PRKAR1A: variants seen among roughly 807,000 people sequenced by gnomAD.
PRKAR1A encodes the protein protein kinase cAMP-dependent type I regulatory subunit alpha, also known as cAMP-dependent protein kinase type I-alpha regulatory subunit.
PRKAR1A carries 3 observed loss-of-function variants against 52.0 expected under a neutral mutation model. The ratio of observed to expected loss-of-function variants is 0.06; its 90% CI spans 0.03 to 0.15. The LOEUF is 0.15. Ranked by LOEUF, PRKAR1A falls within the 10% of genes least tolerant of loss-of-function variation. The pLI is 1.00. For synonymous variants in PRKAR1A, 188 were observed against 168.4 expected (o/e 1.12, Z -0.90); for missense variants, 240 against 477.4 (o/e 0.50, Z 4.63).
chr17:68,489,243 A>ATGGAAAG, the PRKAR1A span, among the ~76,000 whole-genome samples: 1 of 41,552 alleles, frequency 2.4e-5, no homozygotes, highest in Non-Finnish European at 4.0e-5. Flanking sequence ...AAGTATATAT[A>ATGGAAAG]TATATATATA....
the PRKAR1A span, chr17:68,430,261 A>G: frequency 8.3e-7 from 1 of 1,208,672 alleles, no homozygotes; most frequent in Non-Finnish European, 1.2e-6. Context: ...TCCCCGCAGC[A>G]GGGAGAGACT....
In PRKAR1A at chr17:68,532,242, A is replaced by C. The variant is rs929900027; in HGVS notation, c.*1793A>C. ...TGAAAATTACGTTCTTACAAGCTTA[A>C]AGCTTGATTTGATCTTTGTTTAAAT... On this transcript the variant is annotated 3_prime_UTR_variant, in exon 11 of 11. Transcript: ENST00000589228. The C allele has an allele frequency of 9.6e-7, 1 of 1,039,386 alleles. No homozygotes were observed. The allele number at this position is 1,039,386 out of a possible 1,614,324, so 64.4% of individuals were successfully genotyped here.
At chr17:68,506,645 G>A in the PRKAR1A span, among the ~76,000 whole-genome samples, 277 of 151,940 alleles carry the variant, frequency 1.8e-3, 2 homozygotes, top group African/African-American at 5.7e-3. Context: ...CACCACACCC[G>A]GCTAATTTTT....
At position 68,551,066 on chromosome 17, in the gene PRKAR1A, C is replaced by T. The variant is rs546622852; in HGVS notation, c.974-18C>T. On this transcript the variant is annotated intron_variant, in intron 11 of 11. Transcript: ENST00000585981. ...TTGGGTAACGTGGCCCCTCTTGGGG[C>T]GATTTTCTTTTCTGCAGGTCACCTC... The T allele has an allele frequency of 2.9e-5, 36 of 1,234,194 alleles. 1 individual carries two copies. Among genetic ancestry groups the T allele is most frequent in the East Asian group, 1.9e-4 (6 of 31,686 alleles). 76.5% of individuals were successfully genotyped at this position (1,234,194 alleles called of 1,614,324 possible). A position where few individuals can be genotyped will look rare whatever the true frequency, so the allele number is the denominator to read the frequency against.
chr17:68,496,277 A>G, the PRKAR1A span, among the ~76,000 whole-genome samples: 1 of 151,070 alleles, frequency 6.6e-6, no homozygotes, highest in Non-Finnish European at 1.5e-5. Context: ...CCTGACCTCA[A>G]ATGATCCACC....
At chr17:68,539,411 AG>A in intron 11 of PRKAR1A, 1 of 1,613,658 alleles carries the variant, frequency 6.2e-7, no homozygotes, top group Non-Finnish European at 8.5e-7. Flanking sequence ...GAGGAGAAAC[AG>A]GCTTTTATGG....
chr17:68,512,943 G>C (rs1206906113), intron 1 of PRKAR1A: 2 of 152,308 alleles, frequency 1.3e-5, no homozygotes, highest in Non-Finnish European at 2.9e-5. Context: ...GTCCGCCATC[G>C]TCTCGTCCGC....
chr17:68,433,252 G>A, the PRKAR1A span, among the ~76,000 whole-genome samples: 6 of 152,234 alleles, frequency 3.9e-5, no homozygotes, highest in Non-Finnish European at 8.8e-5. Flanking sequence ...AAGAGGCAGA[G>A]CCAGGACGTG....
At chr17:68,474,557 G>A in the PRKAR1A span, among the ~76,000 whole-genome samples, 3 of 152,230 alleles carry the variant, frequency 2.0e-5, no homozygotes, top group East Asian at 5.8e-4. Context: ...GCAGTGCACC[G>A]TGTCAGGCGG....
the PRKAR1A span, among the ~76,000 whole-genome samples, chr17:68,495,919 T>A: frequency 1.3e-4 from 19 of 143,080 alleles, no homozygotes; most frequent in South Asian, 2.3e-4. Context: ...TGGCTCCTGG[T>A]CCCTCTCTGC....
At chr17:68,504,904 GC>G in the PRKAR1A span, among the ~76,000 whole-genome samples, 3 of 152,126 alleles carry the variant, frequency 2.0e-5, no homozygotes, top group Non-Finnish European at 2.9e-5. Context: ...CCCATTGTAT[GC>G]CTGTATCAAA....
At chr17:68,502,679 G>C in the PRKAR1A span, among the ~76,000 whole-genome samples, 1 of 150,734 alleles carries the variant, frequency 6.6e-6, no homozygotes, top group African/African-American at 2.4e-5. Flanking sequence ...TTGAACCTGG[G>C]AGGTGGAGGT....
upstream of PRKAR1A, among the ~76,000 whole-genome samples, chr17:68,509,003 C>T (rs916087573): frequency 1.3e-5 from 2 of 152,094 alleles, no homozygotes; most frequent in Admixed American, 6.5e-5. Context: ...ATTGGAAATA[C>T]GTGGATCTGT....
chr17:68,434,489 C>G, the PRKAR1A span: 412 of 1,562,156 alleles, frequency 2.6e-4, 1 homozygote, highest in Non-Finnish European at 3.4e-4. Flanking sequence ...TCTCCCTAGA[C>G]AGCTGCCAGC....
the PRKAR1A span, among the ~76,000 whole-genome samples, chr17:68,416,111 T>C: frequency 6.6e-6 from 1 of 152,300 alleles, no homozygotes; most frequent in Non-Finnish European, 1.5e-5. Context: ...AAATTGTATT[T>C]TTGTTTTATA....
chr17:68,524,158 G>C, intron 5 of PRKAR1A, 81 bp downstream of exon 5: 1 of 1,443,972 alleles, frequency 6.9e-7, no homozygotes, highest in Non-Finnish European at 9.7e-7. Flanking sequence ...TTTTATTGAA[G>C]TTTGTTTTCC....
intron 1 of PRKAR1A, among the ~76,000 whole-genome samples, chr17:68,513,858 C>T (rs1324477620): frequency 6.6e-6 from 1 of 152,132 alleles, no homozygotes; most frequent in African/African-American, 2.4e-5. Context: ...CAGCCAAAGA[C>T]CTGATCTTAG....
the PRKAR1A span, among the ~76,000 whole-genome samples, chr17:68,500,020 A>T: frequency 6.6e-6 from 1 of 152,288 alleles, no homozygotes; most frequent in Non-Finnish European, 1.5e-5. Context: ...GATATGGGAC[A>T]TATATCAGCC....
the PRKAR1A span, among the ~76,000 whole-genome samples, chr17:68,423,630 G>A: frequency 8.5e-5 from 13 of 152,180 alleles, no homozygotes; most frequent in Middle Eastern, 3.2e-3. The surrounding 1 kb of genome is among the most constrained non-coding windows in gnomAD (Gnocchi z 4.4). Flanking sequence ...GTCCTTAGGA[G>A]GGAGAAGAAA....
Sources: gnomAD v4.1 joint callset for allele counts (sites outside exome capture counted in the v4.1 genomes callset) on GRCh38, gnomAD v4.1.1 for gene constraint, Gnocchi (gnomAD v3.1) non-coding constraint, MANE v1.5 for transcripts, NCBI Gene and HGNC (gene_info 2026-07-23, HGNC 2026-07-21) for gene names.